IMPA1: variants seen among roughly 807,000 people sequenced by gnomAD.
IMPA1 encodes the protein inositol monophosphatase 1, also known as D-galactose 1-phosphate phosphatase.
A neutral mutation model predicts 34.9 loss-of-function variants in IMPA1; 21 were observed. That is an observed-to-expected ratio of 0.60 (90% confidence interval 0.43 to 0.87). IMPA1 has a LOEUF of 0.87. Ranked by LOEUF, IMPA1 falls within the 40% of genes least tolerant of loss-of-function variation. The probability of loss-of-function intolerance (pLI) is 0.00; values close to 1 mark genes in which losing one functional copy is unlikely to be tolerated. For missense variants in IMPA1, 299 were observed against 336.4 expected, an observed-to-expected ratio of 0.89 and a Z score of 0.87; for synonymous variants, 95 against 104.4, an observed-to-expected ratio of 0.91 and a Z score of 0.55.
chr8:81,674,671 C>T (rs1807079446), intron 5 of IMPA1: 3 of 368,198 alleles, frequency 8.1e-6, no homozygotes, highest in South Asian at 4.1e-5. Context: ...TTCTGCCTCA[C>T]CCTGAAAAGT....
chr8:81,663,761 G>A (rs761553182), intron 7 of IMPA1, among the ~76,000 whole-genome samples: 1 of 152,064 alleles, frequency 6.6e-6, no homozygotes, highest in East Asian at 1.9e-4. Context: ...ATTTAATGGC[G>A]GGGCGCAGTG....
rs1047691063 is a variant in IMPA1, at chr8:81,658,965, A to G, written c.*386T>C. On this transcript the variant is annotated 3_prime_UTR_variant, in exon 9 of 9. Coordinates refer to ENST00000256108, the MANE Select transcript of IMPA1 (RefSeq NM_005536.4). Reference sequence around the variant, plus strand: ...TTAATTATATATGGTTTTTGAAACTAAAGAGAAATGTTTTTCCAAACAGTT... The same window carrying G: ...TTAATTATATATGGTTTTTGAAACTGAAGAGAAATGTTTTTCCAAACAGTT... 1 of 202,086 alleles carries G rather than the reference A, an allele frequency of 4.9e-6. No individual in the cohort carries two copies. Among genetic ancestry groups the G allele is most frequent in the African/African-American group, 2.4e-5 (1 of 41,902 alleles). 12.5% of individuals were successfully genotyped at this position (202,086 alleles called of 1,614,324 possible). A position where few individuals can be genotyped will look rare whatever the true frequency, so the allele number is the denominator to read the frequency against.
chr8:81,682,908 G>A (rs1288198767), intron 1 of IMPA1, among the ~76,000 whole-genome samples: 2 of 152,108 alleles, frequency 1.3e-5, no homozygotes, highest in Non-Finnish European at 2.9e-5. Context: ...AGGAAAATCA[G>A]GTCCTGTTCA....
intron 7 of IMPA1, among the ~76,000 whole-genome samples, chr8:81,665,619 A>G (rs970966751): frequency 6.6e-6 from 1 of 152,286 alleles, no homozygotes; most frequent in East Asian, 1.9e-4. Flanking sequence ...ACATGAACCT[A>G]TATACTGAAA....
At chr8:81,668,997 T>A (rs936395579) in intron 7 of IMPA1, among the ~76,000 whole-genome samples, 6 of 152,162 alleles carry the variant, frequency 3.9e-5, no homozygotes, top group African/African-American at 1.4e-4. Context: ...GTTGTAAATG[T>A]TAGCAGTATG....
intron 7 of IMPA1, among the ~76,000 whole-genome samples, chr8:81,665,613 G>A (rs1345480970): frequency 6.6e-6 from 1 of 151,936 alleles, no homozygotes; most frequent in Non-Finnish European, 1.5e-5. Flanking sequence ...AAAAAGACAT[G>A]AACCTATATA....
intron 7 of IMPA1, among the ~76,000 whole-genome samples, chr8:81,668,164 G>C (rs1806888454): frequency 6.6e-6 from 1 of 152,058 alleles, no homozygotes; most frequent in African/African-American, 2.4e-5. Context: ...TGAGAGTAAT[G>C]AATTAGGGTA....
At chr8:81,685,700 AAT>A in intron 1 of IMPA1, 3 of 734,294 alleles carry the variant, frequency 4.1e-6, no homozygotes, top group Non-Finnish European at 5.4e-6. Context: ...ATAATATATG[AAT>A]AGTTATATAT....
intron 7 of IMPA1, 41 bp from the exon 8 acceptor site, chr8:81,660,708 C>A (rs1806645157): frequency 6.5e-7 from 1 of 1,538,188 alleles, no homozygotes; most frequent in Non-Finnish European, 8.9e-7. Context: ...AAAAAATAAT[C>A]CTTTCAAGTA....
intron 6 of IMPA1, among the ~76,000 whole-genome samples, chr8:81,672,528 C>A (rs914264987): frequency 6.6e-6 from 1 of 152,174 alleles, no homozygotes; most frequent in African/African-American, 2.4e-5. Context: ...TTTCTGTAAA[C>A]AAATGAGAAT....
At chr8:81,667,982 C>T (rs1806882338) in intron 7 of IMPA1, among the ~76,000 whole-genome samples, 1 of 151,916 alleles carries the variant, frequency 6.6e-6, no homozygotes. Flanking sequence ...CGCCACCACG[C>T]CTGGCTAATT....
At chr8:81,663,995 C>T (rs1221403994) in intron 7 of IMPA1, among the ~76,000 whole-genome samples, 2 of 151,876 alleles carry the variant, frequency 1.3e-5, no homozygotes, top group Non-Finnish European at 2.9e-5. Flanking sequence ...GCCAAGATTG[C>T]ACCATTGGAC....
At chr8:81,668,411 C>G (rs1401261042) in intron 7 of IMPA1, among the ~76,000 whole-genome samples, 1 of 151,996 alleles carries the variant, frequency 6.6e-6, no homozygotes, top group Non-Finnish European at 1.5e-5. Flanking sequence ...ACGGCGAACC[C>G]CATTTTTATA....
chr8:81,676,599 C>A (rs942102338), intron 4 of IMPA1, among the ~76,000 whole-genome samples: 2 of 152,168 alleles, frequency 1.3e-5, no homozygotes, highest in African/African-American at 4.8e-5. Flanking sequence ...GAGATGGATC[C>A]TGGGAAACCA....
intron 7 of IMPA1, among the ~76,000 whole-genome samples, chr8:81,666,089 G>A (rs559014284): frequency 2.0e-5 from 3 of 152,302 alleles, no homozygotes; most frequent in Admixed American, 6.5e-5. Context: ...AATATAATAT[G>A]TTCTGGCAAA....
intron 1 of IMPA1, among the ~76,000 whole-genome samples, chr8:81,684,922 GTATAGTATATA>G (rs1186337546): frequency 4.7e-5 from 6 of 126,828 alleles, no homozygotes; most frequent in Non-Finnish European, 9.5e-5. Context: ...TAGATACTAT[GTATAGTATATA>G]TACTATACAT....
At chr8:81,682,110 TTTTC>T (rs1342951301) in intron 1 of IMPA1, among the ~76,000 whole-genome samples, 1 of 152,194 alleles carries the variant, frequency 6.6e-6, no homozygotes, top group Admixed American at 6.5e-5. Flanking sequence ...TAAAGTCCAT[TTTTC>T]TTTCTATTAT....
intron 6 of IMPA1, among the ~76,000 whole-genome samples, chr8:81,672,468 C>T (rs1807013401): frequency 6.6e-6 from 1 of 152,202 alleles, no homozygotes; most frequent in Non-Finnish European, 1.5e-5. Context: ...CCATAAAATG[C>T]CATGCACCCT....
intron 5 of IMPA1, among the ~76,000 whole-genome samples, 173 bp downstream of exon 5, chr8:81,676,061 T>C (rs1807121506): frequency 6.6e-6 from 1 of 152,200 alleles, no homozygotes; most frequent in Non-Finnish European, 1.5e-5. Flanking sequence ...TAAAATTTTA[T>C]CCAATGCAAA....
Sources: allele counts gnomAD v4.1 joint callset (sites outside exome capture counted in the v4.1 genomes callset), GRCh38; gene constraint gnomAD v4.1.1; transcripts MANE v1.5; gene names NCBI Gene and HGNC (gene_info 2026-07-23, HGNC 2026-07-21).